The following MYRIP variants were observed in gnomAD, a reference collection of about 807,000 sequenced individuals.
MYRIP encodes rab effector MyRIP.
In MYRIP, 49 loss-of-function variants were observed where a neutral mutation model predicts 98.0. That is an observed-to-expected ratio of 0.50 (90% CI 0.40 to 0.63). The LOEUF (loss-of-function observed/expected upper bound fraction) is 0.63. MYRIP is among the 30% of genes least tolerant of loss of function. MYRIP has a pLI of 0.00. For synonymous variants in MYRIP, 404 were observed against 409.5 expected (o/e 0.99, Z 0.16); for missense variants, 1,004 against 1,058.2 (o/e 0.95, Z 0.71).
chr3:39,910,460 T>C (rs193177713), intron 2 of MYRIP, among the ~76,000 whole-genome samples: 1 of 152,286 alleles, frequency 6.6e-6, no homozygotes, highest in Admixed American at 6.5e-5. Flanking sequence ...GGGAAAGTGG[T>C]AGGGTTTAAG....
intron 2 of MYRIP, among the ~76,000 whole-genome samples, chr3:40,036,385 G>A (rs1316970635): frequency 6.8e-6 from 1 of 147,436 alleles, no homozygotes; most frequent in Non-Finnish European, 1.5e-5. Flanking sequence ...TCATTGAAAT[G>A]TAAGGGTTAA....
intron 2 of MYRIP, among the ~76,000 whole-genome samples, chr3:40,009,534 G>A (rs1002478193): frequency 1.3e-5 from 2 of 152,110 alleles, no homozygotes; most frequent in African/African-American, 2.4e-5. Flanking sequence ...GAGCCACCAC[G>A]CCTGGCCCCA....
At chr3:39,997,733 AAAG>A (rs1054697574) in intron 2 of MYRIP, among the ~76,000 whole-genome samples, 2 of 152,210 alleles carry the variant, frequency 1.3e-5, no homozygotes, top group African/African-American at 2.4e-5. Context: ...CACAACAAAA[AAAG>A]AGAATTTTAG....
At chr3:39,925,194 T>C (rs940491053) in intron 2 of MYRIP, among the ~76,000 whole-genome samples, 13 of 151,256 alleles carry the variant, frequency 8.6e-5, no homozygotes, top group Non-Finnish European at 1.9e-4. Flanking sequence ...AAAAAATAAA[T>C]CTTCAGCAAG....
intron 2 of MYRIP, among the ~76,000 whole-genome samples, chr3:40,005,060 G>A (rs1306701825): frequency 2.0e-5 from 3 of 152,130 alleles, no homozygotes; most frequent in African/African-American, 7.2e-5. Context: ...AATTTGCTTA[G>A]AATAATGGCC....
chr3:39,885,754 C>T (rs564307956), intron 1 of MYRIP, among the ~76,000 whole-genome samples: 11 of 152,156 alleles, frequency 7.2e-5, no homozygotes, highest in African/African-American at 2.2e-4. Flanking sequence ...ATTTGATCTT[C>T]CATCACTGAT....
At chr3:39,845,500 A>G (rs1003947709) in intron 1 of MYRIP, among the ~76,000 whole-genome samples, 3 of 152,194 alleles carry the variant, frequency 2.0e-5, no homozygotes, top group African/African-American at 7.2e-5. Context: ...TATAGAATGT[A>G]TCCCTCAGTT....
chr3:40,252,840 A>T (rs1364812494), intron 16 of MYRIP, among the ~76,000 whole-genome samples: 1 of 152,202 alleles, frequency 6.6e-6, no homozygotes, highest in African/African-American at 2.4e-5. Context: ...AAAGAGGGAC[A>T]GCTCTTTAGA....
At position 39,901,037 on chromosome 3, in the gene MYRIP, T is replaced by C. The variant is rs372919210; in HGVS notation, c.110+111T>C. ...AGCCCTGAGTTTGGATATACACTTA[T>C]GTTTGTCAGAATGTCCTGTCCTTTG... On this transcript the variant is annotated intron_variant, in intron 2 of 16. Coordinates refer to ENST00000302541, the MANE Select transcript of MYRIP (RefSeq NM_015460.4). 106 of 727,094 alleles carry C rather than the reference T, an allele frequency of 1.5e-4. No homozygotes were observed. In the East Asian group the frequency reaches 2.3e-3, roughly 16 times the overall value. The allele number at this position is 727,094 out of a possible 1,614,324, so 45.0% of individuals were successfully genotyped here.
chr3:40,132,293 T>C (rs375090124), intron 3 of MYRIP, among the ~76,000 whole-genome samples: 2 of 152,214 alleles, frequency 1.3e-5, no homozygotes, highest in Admixed American at 6.5e-5. Context: ...AGGTTTACTC[T>C]GAAGCATGTC....
chr3:40,043,471 G>C (rs1947592336), intron 2 of MYRIP, among the ~76,000 whole-genome samples: 1 of 152,038 alleles, frequency 6.6e-6, no homozygotes, highest in South Asian at 2.1e-4. Context: ...CCAGTGACCA[G>C]GAGCTTTTTA....
intron 2 of MYRIP, among the ~76,000 whole-genome samples, chr3:39,965,602 G>A (rs1945420511): frequency 6.6e-6 from 1 of 152,048 alleles, no homozygotes; most frequent in Admixed American, 6.6e-5. Context: ...GTAATTTTGG[G>A]GACTGACTAG....
At chr3:40,158,462 T>C (rs956314177) in intron 4 of MYRIP, among the ~76,000 whole-genome samples, 4 of 152,072 alleles carry the variant, frequency 2.6e-5, no homozygotes, top group Non-Finnish European at 5.9e-5. Context: ...CTGAAAAAAA[T>C]GTATATTCTG....
rs542749431 is a variant in MYRIP, at chr3:39,811,886, T to G, written c.-31+1970T>G. Among the ~76,000 whole-genome samples, 3 of 152,250 alleles carry G rather than the reference T, an allele frequency of 2.0e-5. No individual in the cohort carries two copies. In the South Asian group the frequency reaches 6.2e-4, roughly 32 times the overall value. On this transcript the variant is annotated intron_variant, in intron 1 of 16. Transcript: ENST00000302541. ...CATTTAAACTAGCGGTAGCATAGAT[T>G]ATGTTCTATCTCCTTCCTCCCTGCC...
intron 5 of MYRIP, among the ~76,000 whole-genome samples, chr3:40,165,230 G>A (rs1433693987): frequency 3.3e-5 from 5 of 152,190 alleles, no homozygotes; most frequent in South Asian, 4.1e-4. Flanking sequence ...TTGCCCCTAC[G>A]TGGCTCTATC....
chr3:40,155,690 GGT>G (rs1244416230), intron 4 of MYRIP, among the ~76,000 whole-genome samples: 1 of 151,716 alleles, frequency 6.6e-6, no homozygotes, highest in Non-Finnish European at 1.5e-5. Flanking sequence ...CATTCTAACT[GGT>G]GTGAGATGGT....
intron 2 of MYRIP, among the ~76,000 whole-genome samples, chr3:39,975,880 T>C (rs181780786): frequency 0.015 from 2,352 of 152,100 alleles, 54 homozygotes; most frequent in African/African-American, 0.052. Flanking sequence ...CTTCCTTACA[T>C]CTTATACAAA....
chr3:39,829,610 A>T (rs947277450), intron 1 of MYRIP, among the ~76,000 whole-genome samples: 2 of 152,168 alleles, frequency 1.3e-5, no homozygotes, highest in African/African-American at 4.8e-5. Context: ...GCTTGCATGC[A>T]CATCGTGTGT....
intron 11 of MYRIP, 21 bp from the exon 12 acceptor site, chr3:40,233,837 CT>C (rs1225781560): frequency 1.2e-6 from 2 of 1,605,368 alleles, no homozygotes; most frequent in Admixed American, 3.5e-5. Context: ...CTTCTGTCCC[CT>C]TCTGTTATCG....
Sources: allele counts gnomAD v4.1 joint callset (sites outside exome capture counted in the v4.1 genomes callset), GRCh38; gene constraint gnomAD v4.1.1; transcripts MANE v1.5; gene names NCBI Gene and HGNC (gene_info 2026-07-23, HGNC 2026-07-21).